The following ENOX1 variants were observed in gnomAD, a reference collection of about 807,000 sequenced individuals.
The protein encoded by ENOX1 is ecto-NOX disulfide-thiol exchanger 1.
In ENOX1, 42 loss-of-function variants were observed where a neutral mutation model predicts 82.5. That is an observed-to-expected ratio of 0.51 (90% CI 0.40 to 0.66). The LOEUF (loss-of-function observed/expected upper bound fraction) is 0.66. ENOX1 is among the 30% of genes least tolerant of loss of function. ENOX1 has a pLI of 0.00. For missense variants in ENOX1, 608 were observed against 811.6 expected (o/e 0.75, Z 3.05); for synonymous variants, 271 against 282.2 (o/e 0.96, Z 0.40).
chr13:43,255,080 T>C (rs2043669624), intron 14 of ENOX1, among the ~76,000 whole-genome samples: 2 of 151,920 alleles, frequency 1.3e-5, no homozygotes, highest in African/African-American at 4.8e-5. Flanking sequence ...CAGCAACAAA[T>C]TAAAAAGACC....
intron 2 of ENOX1, among the ~76,000 whole-genome samples, chr13:43,622,446 A>G (rs2082777979): frequency 2.0e-5 from 3 of 152,108 alleles, no homozygotes; most frequent in Admixed American, 2.0e-4. Context: ...TGTTCCCTTG[A>G]TGTAGTACTC....
intron 1 of ENOX1, among the ~76,000 whole-genome samples, chr13:43,754,042 A>G (rs1950474737): frequency 1.7e-5 from 1 of 59,548 alleles, no homozygotes; most frequent in Non-Finnish European, 6.9e-5. Flanking sequence ...ATATGTATAT[A>G]AATACACATA....
At chr13:43,595,552 TG>T (rs1244676667) in intron 2 of ENOX1, among the ~76,000 whole-genome samples, 1 of 152,222 alleles carries the variant, frequency 6.6e-6, no homozygotes, top group African/African-American at 2.4e-5. Flanking sequence ...AAGAGTTAAC[TG>T]CTCTTTTAAC....
chr13:43,340,082 G>A (rs538449547), intron 9 of ENOX1, among the ~76,000 whole-genome samples: 7 of 152,332 alleles, frequency 4.6e-5, no homozygotes, highest in East Asian at 3.9e-4. Flanking sequence ...AGGGAAATTC[G>A]GGACAGGAAA....
chr13:43,600,242 A>G (rs1048508901), intron 2 of ENOX1, among the ~76,000 whole-genome samples: 1 of 152,144 alleles, frequency 6.6e-6, no homozygotes. Context: ...GTGGTTCTCA[A>G]TTCCAGGTGT....
chr13:43,780,087 G>T (rs1161547685), intron 1 of ENOX1, among the ~76,000 whole-genome samples: 1 of 151,806 alleles, frequency 6.6e-6, no homozygotes, highest in Non-Finnish European at 1.5e-5. Flanking sequence ...CGTGAACCCG[G>T]GAGGCAGAGC....
intron 2 of ENOX1, among the ~76,000 whole-genome samples, chr13:43,532,368 T>G (rs1013312109): frequency 1.1e-4 from 17 of 152,156 alleles, no homozygotes; most frequent in African/African-American, 3.6e-4. Context: ...TGACAGTGGT[T>G]CTCAAAGTAT....
chr13:43,711,383 G>A (rs974889478), intron 1 of ENOX1, among the ~76,000 whole-genome samples: 3 of 152,028 alleles, frequency 2.0e-5, no homozygotes, highest in Non-Finnish European at 2.9e-5. Flanking sequence ...ATAAACATAC[G>A]TGGGCATGTG....
At chr13:43,445,016 T>C (rs1454506137) in intron 3 of ENOX1, among the ~76,000 whole-genome samples, 1 of 152,142 alleles carries the variant, frequency 6.6e-6, no homozygotes, top group Non-Finnish European at 1.5e-5. Context: ...CAAGTAAGAA[T>C]GAGAAGCAAG....
chr13:43,759,909 G>A (rs1374845058), intron 1 of ENOX1, among the ~76,000 whole-genome samples: 1 of 152,180 alleles, frequency 6.6e-6, no homozygotes, highest in Non-Finnish European at 1.5e-5. Flanking sequence ...CATGTTAGAT[G>A]CTGGAGCTAC....
intron 13 of ENOX1, among the ~76,000 whole-genome samples, chr13:43,265,718 T>C (rs760323196): frequency 6.6e-6 from 1 of 152,254 alleles, no homozygotes; most frequent in Non-Finnish European, 1.5e-5. Context: ...AGCAGTTCCA[T>C]AGGCATAAAA....
chr13:43,320,579 G>A (rs1361970597), intron 11 of ENOX1, among the ~76,000 whole-genome samples: 1 of 152,006 alleles, frequency 6.6e-6, no homozygotes, highest in Non-Finnish European at 1.5e-5. Flanking sequence ...TCATTATTCT[G>A]GTCCTATCCT....
At chr13:43,277,927 T>A (rs1162069050) in intron 12 of ENOX1, among the ~76,000 whole-genome samples, 1 of 152,110 alleles carries the variant, frequency 6.6e-6, no homozygotes, top group Non-Finnish European at 1.5e-5. Flanking sequence ...AGATACAGAT[T>A]TGAGGGCCTA....
At chr13:43,506,060 GTAGA>G (rs1248699851) in intron 2 of ENOX1, among the ~76,000 whole-genome samples, 2 of 151,936 alleles carry the variant, frequency 1.3e-5, no homozygotes, top group Non-Finnish European at 2.9e-5. Context: ...TCAGATAGTT[GTAGA>G]TATGCGGCAT....
chr13:43,493,041 T>C (rs1298813383), intron 2 of ENOX1, among the ~76,000 whole-genome samples: 1 of 152,164 alleles, frequency 6.6e-6, no homozygotes, highest in Non-Finnish European at 1.5e-5. Flanking sequence ...GCTTCTTCCC[T>C]AGATCTCCAG....
chr13:43,283,851 C>T lies in ENOX1; in HGVS notation c.1447-14274G>A, dbSNP rs556224668. On this transcript the variant is annotated intron_variant, in intron 12 of 16. Coordinates refer to ENST00000690772, the MANE Select transcript of ENOX1 (RefSeq NM_001347969.2). ...TTTCCTTTAAGTTCTGCTTTAGCTG[C>T]GTCCCACAAGTTTTGATATATTATG... is the stretch of plus-strand genomic sequence containing the variant. Among the ~76,000 whole-genome samples the T allele has an allele frequency of 1.5e-4, 23 of 152,074 alleles. No homozygotes were observed. In the South Asian group the frequency reaches 4.4e-3, roughly 29 times the overall value.
intron 5 of ENOX1, among the ~76,000 whole-genome samples, chr13:43,365,835 C>T (rs9567164): frequency 0.14 from 20,595 of 152,216 alleles, 2,479 homozygotes; most frequent in African/African-American, 0.31. Flanking sequence ...TCCCGCCTGA[C>T]GCCAGATGGA....
intron 8 of ENOX1, among the ~76,000 whole-genome samples, chr13:43,347,103 T>A (rs1276435192): frequency 6.6e-6 from 1 of 152,202 alleles, no homozygotes. Flanking sequence ...ATAAATAGAC[T>A]AACTTTACTA....
intron 1 of ENOX1, among the ~76,000 whole-genome samples, chr13:43,726,718 T>TTGTG (rs55918525): frequency 0.031 from 4,516 of 144,668 alleles, 120 homozygotes; most frequent in Non-Finnish European, 0.042. Flanking sequence ...GCATTGACTT[T>TTGTG]TGTGTGTGTG....
Sources: gnomAD v4.1 joint callset for allele counts (sites outside exome capture counted in the v4.1 genomes callset) on GRCh38, gnomAD v4.1.1 for gene constraint, MANE v1.5 for transcripts, NCBI Gene and HGNC (gene_info 2026-07-23, HGNC 2026-07-21) for gene names.